Variants in ENOX2 observed in about 807,000 individuals in gnomAD.
The protein encoded by ENOX2 is ecto-NOX disulfide-thiol exchanger 2.
A neutral mutation model predicts 45.0 loss-of-function variants in ENOX2; 36 were observed. The observed-to-expected ratio is 0.80, with a 90% CI of 0.61 to 1.06. The LOEUF (loss-of-function observed/expected upper bound fraction) is 1.06. ENOX2 is among the 50% of genes least tolerant of loss of function. The pLI, the probability that ENOX2 is intolerant of heterozygous loss-of-function variation, is 0.00. For synonymous variants in ENOX2, 174 were observed against 152.3 expected (o/e 1.14, Z -1.05); for missense variants, 423 against 462.5 (o/e 0.91, Z 0.78).
chrX:130,631,596 C>G lies in ENOX2; in HGVS notation c.1420-20G>C. 3 of 986,660 alleles carry G rather than the reference C, an allele frequency of 3.0e-6. No individual in the cohort carries two copies. Among genetic ancestry groups the G allele is most frequent in the African/African-American group, 1.9e-5 (1 of 53,596 alleles). The allele number at this position is 986,660 out of a possible 1,213,427, so 81.3% of individuals were successfully genotyped here. A position where few individuals can be genotyped will look rare whatever the true frequency, so the allele number is the denominator to read the frequency against. On this transcript the variant is annotated intron_variant, in intron 12 of 14. Coordinates refer to ENST00000394363, the MANE Select transcript of ENOX2 (RefSeq NM_006375.4). ...GCTTTCCTGTGGACACAACATGCTT[C>G]TAGGTCAGTTCACTTTATTTGGCAA... is the stretch of plus-strand genomic sequence containing the variant.
chrX:130,692,077 G>A (rs1382078532), intron 4 of ENOX2, among the ~76,000 whole-genome samples: 1 of 112,995 alleles, frequency 8.8e-6, no homozygotes, highest in Non-Finnish European at 1.9e-5. Flanking sequence ...TGCCCATAAG[G>A]GCTTCCTAGA....
chrX:130,714,302 G>A (rs1181293633), intron 3 of ENOX2, among the ~76,000 whole-genome samples: 1 of 111,973 alleles, frequency 8.9e-6, no homozygotes, highest in Non-Finnish European at 1.9e-5. Flanking sequence ...TGGCCCTACC[G>A]TTTACTCACC....
chrX:130,701,167 C>T (rs2037887943), intron 4 of ENOX2, among the ~76,000 whole-genome samples: 1 of 111,217 alleles, frequency 9.0e-6, no homozygotes. Flanking sequence ...TATCAGTTAA[C>T]ATTTAGTCCC....
At chrX:130,746,895 T>G (rs1374706376) in intron 3 of ENOX2, among the ~76,000 whole-genome samples, 1 of 112,471 alleles carries the variant, frequency 8.9e-6, no homozygotes, top group Non-Finnish European at 1.9e-5. Context: ...AGGACAGCTA[T>G]GTGCAAGTCA....
At chrX:130,654,481 G>A (rs2036492649) in intron 10 of ENOX2, among the ~76,000 whole-genome samples, 1 of 110,802 alleles carries the variant, frequency 9.0e-6, no homozygotes, top group African/African-American at 3.3e-5. Context: ...AGATCTCGTT[G>A]CTTAAGCTTT....
intron 6 of ENOX2, among the ~76,000 whole-genome samples, chrX:130,673,477 TG>T (rs1475314679): frequency 4.7e-5 from 5 of 106,418 alleles, no homozygotes; most frequent in Non-Finnish European, 7.7e-5. Flanking sequence ...ATAGAGATCT[TG>T]AAAAAAAAAA....
chrX:130,725,112 T>C (rs1347467612), intron 3 of ENOX2, among the ~76,000 whole-genome samples: 3 of 111,422 alleles, frequency 2.7e-5, no homozygotes, highest in Non-Finnish European at 5.6e-5. Context: ...CAAAAACCTT[T>C]CCTATAGAAA....
At chrX:130,698,256 A>C (rs1050185788) in intron 4 of ENOX2, among the ~76,000 whole-genome samples, 3 of 111,741 alleles carry the variant, frequency 2.7e-5, no homozygotes, top group Middle Eastern at 4.6e-3. Context: ...CTTTTCAGCT[A>C]TACAATACAG....
chrX:130,838,351 C>T (rs779636237), intron 2 of ENOX2, among the ~76,000 whole-genome samples: 123 of 111,652 alleles, frequency 1.1e-3, no homozygotes, highest in Middle Eastern at 4.6e-3. Flanking sequence ...CACTGCATTC[C>T]GGCCTGGGGG....
At chrX:130,683,702 T>C (rs1394104484) in intron 5 of ENOX2, among the ~76,000 whole-genome samples, 4 of 110,689 alleles carry the variant, frequency 3.6e-5, no homozygotes, top group Non-Finnish European at 7.6e-5. Context: ...ACCCTTTTTT[T>C]TCACCACTAA....
Position 130,691,543 on chromosome X carries a change from T to C in ENOX2, c.98-2525A>G, listed in dbSNP as rs1490566660. Reference sequence around the variant, plus strand: ...GCACTATGGTTAAGAATGCCATTTATGTCTTCGGAAAATTTGATTTCTCAT... The same window carrying C: ...GCACTATGGTTAAGAATGCCATTTACGTCTTCGGAAAATTTGATTTCTCAT... On this transcript the variant is annotated intron_variant, in intron 4 of 14. Transcript: ENST00000394363. Among the ~76,000 whole-genome samples the C allele has an allele frequency of 2.8e-4, 32 of 112,491 alleles. No individual in the cohort carries two copies. The Admixed American group carries it at 3.0e-3, about 11-fold the overall frequency.
chrX:130,627,202 G>A (rs924145738), intron 14 of ENOX2, among the ~76,000 whole-genome samples: 1 of 111,080 alleles, frequency 9.0e-6, no homozygotes, highest in African/African-American at 3.3e-5. Context: ...ATAGATAATA[G>A]CAGGGGTGAT....
intron 13 of ENOX2, among the ~76,000 whole-genome samples, 153 bp downstream of exon 13, chrX:130,631,315 C>T (rs1191351828): frequency 8.9e-6 from 1 of 111,832 alleles, no homozygotes; most frequent in African/African-American, 3.3e-5. Flanking sequence ...GAAATTTGTA[C>T]TTGTTCTTAA....
intron 2 of ENOX2, among the ~76,000 whole-genome samples, chrX:130,793,342 T>C (rs1247498494): frequency 8.9e-6 from 1 of 112,530 alleles, no homozygotes; most frequent in Non-Finnish European, 1.9e-5. Context: ...ATTCCTCTTC[T>C]AACCTACTTT....
chrX:130,681,937 G>C (rs1399602941), intron 5 of ENOX2, among the ~76,000 whole-genome samples: 4 of 110,227 alleles, frequency 3.6e-5, no homozygotes, highest in Non-Finnish European at 7.6e-5. Flanking sequence ...GACAAGGCTG[G>C]GTTTGAGAAG....
intron 3 of ENOX2, among the ~76,000 whole-genome samples, chrX:130,772,301 A>T (rs935672422): frequency 8.9e-6 from 1 of 112,109 alleles, no homozygotes; most frequent in Admixed American, 9.5e-5. Context: ...AATCAAGAGA[A>T]GCTGAAAGCT....
At chrX:130,645,772 G>T in intron 10 of ENOX2, 1 of 828,001 alleles carries the variant, frequency 1.2e-6, no homozygotes, top group Non-Finnish European at 1.8e-6. Flanking sequence ...CGGAAGAGGT[G>T]GGTTCTCGTC....
chrX:130,721,415 A>G (rs1044735240), intron 3 of ENOX2, among the ~76,000 whole-genome samples: 1 of 112,279 alleles, frequency 8.9e-6, no homozygotes, highest in African/African-American at 3.2e-5. Context: ...TATTCCACTC[A>G]TAGTATATCT....
rs1306693371 is a variant in ENOX2 at position 130,670,160 on chromosome X, C to T, written c.499G>A (p.Asp167Asn). 4 of 1,208,830 alleles carry T rather than the reference C, an allele frequency of 3.3e-6. No homozygotes were observed. The highest frequency in any genetic ancestry group is 4.5e-6 in the Non-Finnish European group (4 of 894,806). ...AAATCAACGTGGAGTCTGCCTGTGT[C>T]CTTCTTGTCAGTACTAGAGCCCAGG... Reference protein sequence around the residue: ...IRLGSSTDKKDTGRLHVDFAQ... With the variant: ...IRLGSSTDKKNTGRLHVDFAQ... The change falls in exon 7 of 15, where the codon GAC becomes AAC. Residue 167 changes from aspartate (D) to asparagine (N), a missense_variant. Around this residue, in one of 5 missense-constraint regions of ENOX2, gnomAD observed 261 missense variants for 306.8 expected, o/e 0.85. Coordinates refer to ENST00000394363, the MANE Select transcript of ENOX2 (RefSeq NM_006375.4).
Sources: allele counts gnomAD v4.1 joint callset (sites outside exome capture counted in the v4.1 genomes callset), GRCh38; gene constraint gnomAD v4.1.1; regional missense constraint gnomAD v4.1.1; transcripts MANE v1.5; gene names NCBI Gene and HGNC (gene_info 2026-07-23, HGNC 2026-07-21).